Variants in CNTNAP2 observed in about 807,000 individuals in gnomAD.
CNTNAP2 encodes the protein contactin-associated protein-like 2.
A neutral mutation model predicts 155.2 loss-of-function variants in CNTNAP2; 98 were observed. That is an observed-to-expected ratio of 0.63 (90% confidence interval 0.54 to 0.75). CNTNAP2 has a LOEUF of 0.75. Among genes scored for constraint, CNTNAP2 ranks in the 30% least tolerant of loss-of-function variants. The probability of loss-of-function intolerance (pLI) is 0.00; values close to 1 mark genes in which losing one functional copy is unlikely to be tolerated. For missense variants in CNTNAP2, 1,727 were observed against 1,688.1 expected (o/e 1.02, Z -0.40); for synonymous variants, 651 against 631.2 (o/e 1.03, Z -0.47).
At chr7:147,744,131 G>A (rs753421400) in intron 13 of CNTNAP2, among the ~76,000 whole-genome samples, 1 of 152,190 alleles carries the variant, frequency 6.6e-6, no homozygotes, top group Non-Finnish European at 1.5e-5. Flanking sequence ...GAAATTTGAT[G>A]ATTAGCATTT....
chr7:147,669,778 T>G (rs1795757404), intron 13 of CNTNAP2, among the ~76,000 whole-genome samples: 1 of 152,212 alleles, frequency 6.6e-6, no homozygotes, highest in African/African-American at 2.4e-5. Context: ...GTCTTCTCCA[T>G]CCTTCCAGCT....
At chr7:147,733,098 G>A (rs1374143304) in intron 13 of CNTNAP2, among the ~76,000 whole-genome samples, 1 of 152,152 alleles carries the variant, frequency 6.6e-6, no homozygotes, top group African/African-American at 2.4e-5. Flanking sequence ...TAGACATGAA[G>A]TCCTTGCCCA....
At chr7:148,405,864 T>C (rs1440722517) in intron 22 of CNTNAP2, among the ~76,000 whole-genome samples, 3 of 151,792 alleles carry the variant, frequency 2.0e-5, no homozygotes, top group African/African-American at 7.3e-5. Flanking sequence ...TCCACTTGCC[T>C]TGGACTCACC....
At position 147,956,908 on chromosome 7, in the gene CNTNAP2, T is replaced by A. The variant is rs150446041; in HGVS notation, c.2256-20954T>A. Reference sequence around the variant, plus strand: ...GAATTGACTAAAGAAAGTGATAGGGTTGTCCTGCAGGTCTGAGGACCCAGG... The same window carrying A: ...GAATTGACTAAAGAAAGTGATAGGGATGTCCTGCAGGTCTGAGGACCCAGG... On this transcript the variant is annotated intron_variant, in intron 14 of 23. Coordinates refer to ENST00000361727, the MANE Select transcript of CNTNAP2 (RefSeq NM_014141.6). Among the ~76,000 whole-genome samples, 1,267 of 152,246 alleles carry A rather than the reference T, an allele frequency of 8.3e-3. 13 individuals are homozygous for A. Among genetic ancestry groups the A allele is most frequent in the Middle Eastern group, 0.014 (4 of 294 alleles).
chr7:148,270,738 A>C (rs1796761722), intron 21 of CNTNAP2, among the ~76,000 whole-genome samples: 1 of 152,242 alleles, frequency 6.6e-6, no homozygotes, highest in Non-Finnish European at 1.5e-5. Context: ...GCCTAAAAGT[A>C]GGCATCTGAC....
intron 1 of CNTNAP2, among the ~76,000 whole-genome samples, chr7:146,615,154 A>G (rs1046803883): frequency 6.6e-6 from 1 of 152,212 alleles, no homozygotes; most frequent in African/African-American, 2.4e-5. Flanking sequence ...TCTTTTAGTC[A>G]GCACAGCTGT....
intron 15 of CNTNAP2, among the ~76,000 whole-genome samples, chr7:148,057,628 G>A (rs907243393): frequency 1.3e-5 from 2 of 152,138 alleles, no homozygotes; most frequent in African/African-American, 4.8e-5. Context: ...TTAGAATTGT[G>A]AATAATAGAG....
At chr7:147,129,164 TATCTC>T (rs1482857740) in intron 7 of CNTNAP2, among the ~76,000 whole-genome samples, 2 of 152,198 alleles carry the variant, frequency 1.3e-5, no homozygotes, top group Non-Finnish European at 2.9e-5. Flanking sequence ...TGTTTTCAAA[TATCTC>T]ATCACATGTG....
chr7:147,659,236 A>G (rs939514467), intron 13 of CNTNAP2, among the ~76,000 whole-genome samples: 3 of 152,214 alleles, frequency 2.0e-5, no homozygotes, highest in Non-Finnish European at 4.4e-5. Flanking sequence ...GATGATTGAG[A>G]TGTTGGAATT....
intron 13 of CNTNAP2, among the ~76,000 whole-genome samples, chr7:147,727,766 G>C (rs1237504661): frequency 9.5e-6 from 1 of 105,692 alleles, no homozygotes; most frequent in African/African-American, 3.9e-5. Context: ...TTTTTTTCCT[G>C]CGCTCACTGC....
chr7:147,554,586 T>C (rs1349361004), intron 11 of CNTNAP2, among the ~76,000 whole-genome samples: 4 of 152,076 alleles, frequency 2.6e-5, no homozygotes, highest in Non-Finnish European at 5.9e-5. Flanking sequence ...AAATTGAAAC[T>C]TTGTCTTTTT....
chr7:147,525,691 G>A (rs1199382795), intron 11 of CNTNAP2, among the ~76,000 whole-genome samples: 1 of 152,080 alleles, frequency 6.6e-6, no homozygotes, highest in Non-Finnish European at 1.5e-5. Context: ...ACATAAGAAG[G>A]GAAGATTATG....
At chr7:146,190,357 G>A (rs963644953) in intron 1 of CNTNAP2, among the ~76,000 whole-genome samples, 3 of 152,148 alleles carry the variant, frequency 2.0e-5, no homozygotes, top group African/African-American at 7.2e-5. Flanking sequence ...CATCAACTTA[G>A]AAAGACTGTT....
intron 8 of CNTNAP2, among the ~76,000 whole-genome samples, chr7:147,173,662 G>C (rs1034310322): frequency 2.0e-5 from 3 of 152,128 alleles, no homozygotes; most frequent in Admixed American, 2.0e-4. Flanking sequence ...GCATTCACCT[G>C]GTGGATGCTG....
At chr7:147,980,302 T>G (rs1452150679) in intron 15 of CNTNAP2, among the ~76,000 whole-genome samples, 1 of 152,224 alleles carries the variant, frequency 6.6e-6, no homozygotes, top group Admixed American at 6.5e-5. Flanking sequence ...ATAGTGGTCA[T>G]TGTTCATTTG....
intron 12 of CNTNAP2, among the ~76,000 whole-genome samples, chr7:147,562,651 C>T (rs937086100): frequency 5.9e-5 from 9 of 152,188 alleles, no homozygotes; most frequent in Non-Finnish European, 4.4e-5. Context: ...AGACCTTCCT[C>T]GATTCTCCAT....
chr7:146,521,682 A>G (rs1250180664), intron 1 of CNTNAP2, among the ~76,000 whole-genome samples: 5 of 151,978 alleles, frequency 3.3e-5, no homozygotes, highest in Admixed American at 6.6e-5. Flanking sequence ...TCGCATTTAC[A>G]TTCAACAAAT....
chr7:147,532,925 A>T (rs1285523296), intron 11 of CNTNAP2, among the ~76,000 whole-genome samples: 1 of 152,138 alleles, frequency 6.6e-6, no homozygotes, highest in Non-Finnish European at 1.5e-5. Flanking sequence ...TCAAGTTGAG[A>T]TTTGGGCAGG....
At chr7:146,467,982 C>G (rs1333435378) in intron 1 of CNTNAP2, among the ~76,000 whole-genome samples, 1 of 152,044 alleles carries the variant, frequency 6.6e-6, no homozygotes, top group African/African-American at 2.4e-5. Flanking sequence ...AAGAGTTAAA[C>G]AGTTTCATAA....
Sources: allele counts gnomAD v4.1 joint callset (sites outside exome capture counted in the v4.1 genomes callset), GRCh38; gene constraint gnomAD v4.1.1; transcripts MANE v1.5; gene names NCBI Gene and HGNC (gene_info 2026-07-23, HGNC 2026-07-21).